TRIM13: variants seen among roughly 807,000 people sequenced by gnomAD.
TRIM13 encodes E3 ubiquitin-protein ligase TRIM13.
In TRIM13, 15 loss-of-function variants were observed where a neutral mutation model predicts 27.1. The ratio of observed to expected loss-of-function variants is 0.55; its 90% CI spans 0.37 to 0.85. The LOEUF is 0.85. TRIM13 is among the 40% of genes least tolerant of loss of function. The pLI, the probability that TRIM13 is intolerant of heterozygous loss-of-function variation, is 0.00. For missense variants in TRIM13, 402 were observed against 472.2 expected (o/e 0.85, Z 1.38); for synonymous variants, 193 against 171.5 (o/e 1.13, Z -0.98).
chr13:50,013,582 A>G lies in TRIM13; in HGVS notation c.*418A>G, dbSNP rs2760921. On this transcript the variant is annotated 3_prime_UTR_variant, in exon 2 of 2. Coordinates refer to ENST00000378182, the MANE Select transcript of TRIM13 (RefSeq NM_213590.3). ...CTGTCGCCCAGGCTGGAGTGCAGTG[A>G]TGCAATCTTGGCTCACTGCAGCCTC... The G allele has an allele frequency of 0.97, 155,909 of 161,312 alleles. 75,538 individuals carry two copies. The highest frequency in any genetic ancestry group is 1 in the East Asian group (4,954 of 4,954). The allele number at this position is 161,312 out of a possible 1,614,324, so 10.0% of individuals were successfully genotyped here.
rs201321734 is a variant in TRIM13, at chr13:50,015,701, C to G, written c.*2537C>G. The G allele has an allele frequency of 1.5e-4, 245 of 1,613,916 alleles. No homozygotes were observed. Among genetic ancestry groups the G allele is most frequent in the Non-Finnish European group, 1.9e-4 (230 of 1,179,956 alleles). On this transcript the variant is annotated 3_prime_UTR_variant, in exon 2 of 2. Coordinates refer to ENST00000378182, the MANE Select transcript of TRIM13 (RefSeq NM_213590.3). ...CTTAGATTTTTTGAGAACTCACCAGCTTTTATTACCCACTGAATTTTCAGA... is the reference window on the plus strand; with the variant it reads ...CTTAGATTTTTTGAGAACTCACCAGGTTTTATTACCCACTGAATTTTCAGA...
chr13:50,018,230 G>A lies in TRIM13; in HGVS notation c.*5066G>A, dbSNP rs1025334532. ...TTATTTTTCAGTTTGTCCTCATAGG[G>A]AATCAAGTATTTTAGCTAGGTGATG... On this transcript the variant is annotated 3_prime_UTR_variant, in exon 2 of 2. Coordinates refer to ENST00000378182, the MANE Select transcript of TRIM13 (RefSeq NM_213590.3). The A allele has an allele frequency of 6.0e-6, 1 of 166,896 alleles. No individual in the cohort carries two copies. Among genetic ancestry groups the A allele is most frequent in the African/African-American group, 2.4e-5 (1 of 41,422 alleles). The allele number at this position is 166,896 out of a possible 1,614,324, so 10.3% of individuals were successfully genotyped here. A position where few individuals can be genotyped will look rare whatever the true frequency, so the allele number is the denominator to read the frequency against.
At chr13:50,004,955 A>G (rs1472528523) in intron 1 of TRIM13, among the ~76,000 whole-genome samples, 1 of 151,292 alleles carries the variant, frequency 6.6e-6, no homozygotes, top group African/African-American at 2.5e-5. Context: ...GGGCACCTGT[A>G]ATCCCAGCTA....
chr13:50,010,846 A>G (rs945747520), intron 1 of TRIM13, among the ~76,000 whole-genome samples: 1 of 152,172 alleles, frequency 6.6e-6, no homozygotes. Flanking sequence ...ATGGTGTTCC[A>G]TGAAAAAAAG....
rs909345104 is a variant in TRIM13 at position 50,018,338 on chromosome 13, A to C, written c.*5174A>C. 6.0e-6 allele frequency: 1 copy of C among 166,606 alleles called. No individual in the cohort carries two copies. Among genetic ancestry groups the C allele is most frequent in the Non-Finnish European group, 1.5e-5 (1 of 68,090 alleles). The allele number at this position is 166,606 out of a possible 1,614,324, so 10.3% of individuals were successfully genotyped here. On this transcript the variant is annotated 3_prime_UTR_variant, in exon 2 of 2. Coordinates refer to ENST00000378182, the MANE Select transcript of TRIM13 (RefSeq NM_213590.3). ...TTAATTCTTTTATGAGATGTTCTGT[A>C]ACATTTTTCTCACTTTGACAAATGT...
Position 50,013,072 on chromosome 13 carries a change from G to A in TRIM13, c.1132G>A (p.Gly378Arg), listed in dbSNP as rs763464571. Residue 378 changes from glycine to arginine, a missense_variant, in exon 2 of 2, where the codon GGG (glycine) becomes AGG (arginine). By Grantham distance (125) the Gly-to-Arg change is moderately radical. This residue lies in a region of TRIM13 where 200 missense variants were observed against 194.7 expected (regional missense o/e 1.03). Transcript: ENST00000378182. ...SVFYWEQVTD[G>R]FFIFNERFKN... ...TTTTTACTGGGAACAGGTGACAGAT[G>A]GGTTTTTCATTTTCAATGAAAGATT... 6.2e-7 allele frequency: 1 copy of A among 1,613,440 alleles called. No individual in the cohort carries two copies. Among genetic ancestry groups the A allele is most frequent in the Non-Finnish European group, 8.5e-7 (1 of 1,179,806 alleles).
chr13:50,013,323 A>T lies in TRIM13; in HGVS notation c.*159A>T. ...GTTCAAATTAGGTAGCATAAAGATA[A>T]AAGTGAAATTTAGTAGTATAGGCCT... On this transcript the variant is annotated 3_prime_UTR_variant, in exon 2 of 2. Coordinates refer to ENST00000378182, the MANE Select transcript of TRIM13 (RefSeq NM_213590.3). 1.3e-6 allele frequency: 1 copy of T among 798,614 alleles called. No homozygotes were observed. The highest frequency in any genetic ancestry group is 1.9e-6 in the Non-Finnish European group (1 of 539,074). 49.5% of individuals were successfully genotyped at this position (798,614 alleles called of 1,614,324 possible).
rs963670582 is a variant in TRIM13 at position 49,997,605 on chromosome 13, C to G, written c.-165C>G. On this transcript the variant is annotated 5_prime_UTR_variant, in exon 1 of 2. Transcript: ENST00000378182. ...GGGGGCGATTGAAAAAATTGAGGGTCAAGATTGGGGTGCTGTGCAAATAAA... is the reference window on the plus strand; with the variant it reads ...GGGGGCGATTGAAAAAATTGAGGGTGAAGATTGGGGTGCTGTGCAAATAAA... The G allele has an allele frequency of 6.6e-6, 1 of 152,110 alleles. No individual in the cohort carries two copies. Among genetic ancestry groups the G allele is most frequent in the African/African-American group, 2.4e-5 (1 of 41,368 alleles). The allele number at this position is 152,110 out of a possible 1,614,324, so 9.4% of individuals were successfully genotyped here.
chr13:50,018,176 T>C lies in TRIM13; in HGVS notation c.*5012T>C, dbSNP rs530174844. On this transcript the variant is annotated 3_prime_UTR_variant, in exon 2 of 2. Transcript: ENST00000378182. ...ATATTTCCCATTGGTTTCCCCTATT[T>C]TGTCCTTTCTTTGTGTGCTTGAAAT... is the stretch of plus-strand genomic sequence containing the variant. 7.2e-4 allele frequency: 120 copies of C among 167,198 alleles called. No individual in the cohort carries two copies. Among genetic ancestry groups the C allele is most frequent in the African/African-American group, 2.8e-3 (118 of 41,590 alleles). The allele number at this position is 167,198 out of a possible 1,614,324, so 10.4% of individuals were successfully genotyped here. A position where few individuals can be genotyped will look rare whatever the true frequency, so the allele number is the denominator to read the frequency against.
At position 50,012,427 on chromosome 13, in the gene TRIM13, A is replaced by G. The variant is rs760029132; in HGVS notation, c.487A>G (p.Thr163Ala). The G allele has an allele frequency of 1.2e-6, 2 of 1,614,032 alleles. No individual in the cohort carries two copies. The highest frequency in any genetic ancestry group is 1.7e-6 in the Non-Finnish European group (2 of 1,179,980). ...GGGAGATGCTCTTTCTCGCTTGGATACCTTGGAAACTAGTAAGAGGAAATC... is the reference window on the plus strand; with the variant it reads ...GGGAGATGCTCTTTCTCGCTTGGATGCCTTGGAAACTAGTAAGAGGAAATC... ...RRGDALSRLD[T>A]LETSKRKSLQ... The change falls in exon 2 of 2, where the codon ACC becomes GCC. Residue 163 changes from threonine to alanine, a missense_variant. Thr to Ala is a moderately conservative substitution (Grantham distance 58). Coordinates refer to ENST00000378182, the MANE Select transcript of TRIM13 (RefSeq NM_213590.3).
chr13:50,016,148 C>T lies in TRIM13; in HGVS notation c.*2984C>T, dbSNP rs1876532594. 2.0e-6 allele frequency: 2 copies of T among 1,014,064 alleles called. No homozygotes were observed. The highest frequency in any genetic ancestry group is 5.0e-5 in the East Asian group (2 of 39,914). The allele number at this position is 1,014,064 out of a possible 1,614,324, so 62.8% of individuals were successfully genotyped here. A position where few individuals can be genotyped will look rare whatever the true frequency, so the allele number is the denominator to read the frequency against. ...TCTAAAAACTTGAAGTTCCTCAGGC[C>T]TGTAACTTCTGGAAAAGATGATTAT... On this transcript the variant is annotated 3_prime_UTR_variant, in exon 2 of 2. Transcript: ENST00000378182.
In TRIM13 at chr13:50,013,032, C is replaced by T; in HGVS notation, c.1092C>T (p.Phe364=). 4 of 1,613,952 alleles carry T rather than the reference C, an allele frequency of 2.5e-6. No homozygotes were observed. The highest frequency in any genetic ancestry group is 3.4e-6 in the Non-Finnish European group (4 of 1,179,982). ...FSSYLTKTAD[F]IEQSVFYWEQ... ...CCTATCTGACTAAAACAGCCGATTT[C>T]ATAGAACAATCAGTTTTTTACTGGG... The change falls in exon 2 of 2, where the codon TTC becomes TTT. Residue 364 remains phenylalanine, a synonymous_variant. Transcript: ENST00000378182.
intron 1 of TRIM13, among the ~76,000 whole-genome samples, chr13:50,006,102 TAG>T (rs1566435726): frequency 6.6e-6 from 1 of 151,976 alleles, no homozygotes; most frequent in Non-Finnish European, 1.5e-5. Context: ...AAAATGAAAT[TAG>T]AGGATCTATT....
chr13:50,004,449 A>AG (rs1467694200), intron 1 of TRIM13, among the ~76,000 whole-genome samples: 1 of 151,942 alleles, frequency 6.6e-6, no homozygotes, highest in East Asian at 1.9e-4. Context: ...TGGGCAACAG[A>AG]GTGATACTCC....
rs1875730441 is a variant in TRIM13, at chr13:50,012,062, G to A, written c.122G>A (p.Ser41Asn). 1 of 1,614,162 alleles carries A rather than the reference G, an allele frequency of 6.2e-7. No homozygotes were observed. Among genetic ancestry groups the A allele is most frequent in the Non-Finnish European group, 8.5e-7 (1 of 1,180,020 alleles). The change falls in exon 2 of 2, where the codon AGT (serine) becomes AAT (asparagine). Residue 41 changes from serine (S) to asparagine (N), a missense_variant. Ser to Asn is a conservative substitution (Grantham distance 46). This residue lies in a region of TRIM13 where 202 missense variants were observed against 277.5 expected (regional missense o/e 0.73). Coordinates refer to ENST00000378182, the MANE Select transcript of TRIM13 (RefSeq NM_213590.3). ...TGCTTAGAAGGTATCTTAGAAGGGA[G>A]TGTGCGGAATTCCTTGTGGAGACCA... Reference protein sequence around the residue: ...KKCLEGILEGSVRNSLWRPAP... With the variant: ...KKCLEGILEGNVRNSLWRPAP...
rs766161755 is a variant in TRIM13, at chr13:50,016,012, C to G, written c.*2848C>G. ...CACTGCCTCCACAAAGACCTTCTTA[C>G]CATGACCTGGTTTTCCAGTGTGGTT... is the stretch of plus-strand genomic sequence containing the variant. On this transcript the variant is annotated 3_prime_UTR_variant, in exon 2 of 2. Coordinates refer to ENST00000378182, the MANE Select transcript of TRIM13 (RefSeq NM_213590.3). 9.9e-6 allele frequency: 16 copies of G among 1,614,106 alleles called. No homozygotes were observed. Among genetic ancestry groups the G allele is most frequent in the Non-Finnish European group, 1.4e-5 (16 of 1,179,960 alleles).
rs1875859158 is a variant in TRIM13 at position 50,013,035 on chromosome 13, A to G, written c.1095A>G (p.Ile365Met). Residue 365 changes from isoleucine (I) to methionine (M), a missense_variant, in exon 2 of 2, where the codon ATA (isoleucine) becomes ATG (methionine). Around this residue, in one of 2 missense-constraint regions of TRIM13, gnomAD observed 200 missense variants for 194.7 expected, o/e 1.03. Coordinates refer to ENST00000378182, the MANE Select transcript of TRIM13 (RefSeq NM_213590.3). ...ATCTGACTAAAACAGCCGATTTCAT[A>G]GAACAATCAGTTTTTTACTGGGAAC... ...SSYLTKTADF[I>M]EQSVFYWEQV... The G allele has an allele frequency of 1.2e-6, 2 of 1,614,002 alleles. No individual in the cohort carries two copies. Among genetic ancestry groups the G allele is most frequent in the East Asian group, 2.2e-5 (1 of 44,876 alleles).
chr13:50,002,751 C>T (rs2490636), intron 1 of TRIM13, among the ~76,000 whole-genome samples: 14,661 of 151,768 alleles, frequency 0.097, 922 homozygotes, highest in South Asian at 0.18. Context: ...CAACCTCTGC[C>T]GCCTGGGTTC....
Position 50,015,086 on chromosome 13 carries a change from AAAAAAAAAATATATATATATATATATAT to A in TRIM13, c.*1924_*1951del, listed in dbSNP as rs1319234603. 5 of 56,798 alleles carry A rather than the reference AAAAAAAAAATATATATATATATATATAT, an allele frequency of 8.8e-5. No homozygotes were observed. Among genetic ancestry groups the A allele is most frequent in the South Asian group, 8.1e-4 (1 of 1,236 alleles). The allele number at this position is 56,798 out of a possible 1,614,324, so 3.5% of individuals were successfully genotyped here. ...TCCCCTCCCAGTAATAAAAAAAAAA[AAAAAAAAAATATATATATATATATATAT>A]ATATATATATATATATATATATATA... On this transcript the variant is annotated 3_prime_UTR_variant, in exon 2 of 2. Transcript: ENST00000378182.
Sources: allele counts gnomAD v4.1 joint callset (sites outside exome capture counted in the v4.1 genomes callset), GRCh38; gene constraint gnomAD v4.1.1; regional missense constraint gnomAD v4.1.1; transcripts MANE v1.5; gene names NCBI Gene and HGNC (gene_info 2026-07-23, HGNC 2026-07-21).